Variants in RNF212 observed in about 807,000 individuals in gnomAD.
The protein encoded by RNF212 is ring finger protein 212.
RNF212 carries 33 observed loss-of-function variants against 34.7 expected under a neutral mutation model. The observed-to-expected ratio is 0.95, with a 90% CI of 0.72 to 1.27. The LOEUF is 1.27. Among genes scored for constraint, RNF212 ranks in the 50% most tolerant of loss-of-function variants. The pLI is 0.00. For missense variants in RNF212, 377 were observed against 362.2 expected, an observed-to-expected ratio of 1.04 and a Z score of -0.33; for synonymous variants, 140 against 136.1, an observed-to-expected ratio of 1.03 and a Z score of -0.20.
intron 2 of RNF212, among the ~76,000 whole-genome samples, chr4:1,105,904 G>A (rs542178130): frequency 4.6e-5 from 7 of 152,326 alleles, no homozygotes; most frequent in East Asian, 1.9e-4. Flanking sequence ...GCACTGAGGC[G>A]GACGAAGACC....
At chr4:1,079,511 G>A (rs1719976583) in intron 8 of RNF212, 132 bp downstream of exon 8, 4 of 730,854 alleles carry the variant, frequency 5.5e-6, no homozygotes, top group Admixed American at 5.4e-5. Flanking sequence ...CACGGGACCA[G>A]CACACGAAGC....
rs200680799 is a variant in RNF212 at position 1,085,888 on chromosome 4, C to T, written c.362+8G>A. On this transcript the variant is annotated splice_region_variant and intron_variant, in intron 5 of 9. Transcript: ENST00000433731. ...GACTGCGCACTCACGGGGGGTGGGG[C>T]GCCTTACCTTTGTAGTTGTTCTATC... 87 of 1,607,594 alleles carry T rather than the reference C, an allele frequency of 5.4e-5. No individual in the cohort carries two copies. The African/African-American group carries it at 6.7e-4, about 12-fold the overall frequency.
chr4:1,078,342 C>T (rs1719675976), intron 8 of RNF212, among the ~76,000 whole-genome samples: 1 of 152,308 alleles, frequency 6.6e-6, no homozygotes, highest in South Asian at 2.1e-4. Flanking sequence ...TCACTCTGCC[C>T]TGAGTCCTTC....
intron 3 of RNF212, among the ~76,000 whole-genome samples, chr4:1,064,586 T>G (rs62294714): frequency 0.075 from 616 of 8,256 alleles, 5 homozygotes; most frequent in African/African-American, 0.42. Context: ...ACGGCCTCTT[T>G]TGTGTGTGTG....
chr4:1,112,171 A>G (rs1725781979), intron 1 of RNF212, among the ~76,000 whole-genome samples: 1 of 152,194 alleles, frequency 6.6e-6, no homozygotes, highest in Non-Finnish European at 1.5e-5. Context: ...CCCGCCACCG[A>G]ACTCCAGCCT....
At chr4:1,071,230 G>A (rs1476855428), downstream of RNF212, among the ~76,000 whole-genome samples, 2 of 148,924 alleles carry the variant, frequency 1.3e-5, no homozygotes, top group Non-Finnish European at 3.0e-5. Flanking sequence ...AATTTTTTCT[G>A]TGCTTGAAAT....
chr4:1,112,582 C>A (rs1374384690), intron 1 of RNF212, among the ~76,000 whole-genome samples: 1 of 151,912 alleles, frequency 6.6e-6, no homozygotes, highest in African/African-American at 2.4e-5. Context: ...CCTCCACTGG[C>A]GTTAAGGTTG....
chr4:1,072,111 A>G lies in RNF212; in HGVS notation c.*763T>C, dbSNP rs541479189. The stretch of plus-strand genomic sequence containing the variant: ...AAAAAATGAGCTAGCAAACCATGAG[A>G]AGAGATGGGGGAACCATAAGTGTGT... On this transcript the variant is annotated 3_prime_UTR_variant, in exon 10 of 10. Transcript: ENST00000433731. 6.6e-6 allele frequency: 1 copy of G among 152,298 alleles called. No homozygotes were observed. Among genetic ancestry groups the G allele is most frequent in the South Asian group, 2.1e-4 (1 of 4,828 alleles). 9.4% of individuals were successfully genotyped at this position (152,298 alleles called of 1,614,324 possible). A position where few individuals can be genotyped will look rare whatever the true frequency, so the allele number is the denominator to read the frequency against.
At chr4:1,057,802 C>T (rs774215528) in intron 4 of RNF212, among the ~76,000 whole-genome samples, 1 of 152,200 alleles carries the variant, frequency 6.6e-6, no homozygotes, top group Non-Finnish European at 1.5e-5. Context: ...TGGTGGCTCA[C>T]GCCTGTAATC....
rs377718039 is a variant in RNF212, at chr4:1,085,881, G to A, written c.362+15C>T. The stretch of plus-strand genomic sequence containing the variant: ...GTGCCTCGACTGCGCACTCACGGGG[G>A]GTGGGGCGCCTTACCTTTGTAGTTG... On this transcript the variant is annotated intron_variant, in intron 5 of 9. Transcript: ENST00000433731. 1 of 1,602,110 alleles carries A rather than the reference G, an allele frequency of 6.2e-7. No homozygotes were observed. The highest frequency in any genetic ancestry group is 8.5e-7 in the Non-Finnish European group (1 of 1,169,802).
At chr4:1,091,863 T>C (rs1396627462) in intron 3 of RNF212, among the ~76,000 whole-genome samples, 1 of 152,214 alleles carries the variant, frequency 6.6e-6, no homozygotes, top group African/African-American at 2.4e-5. Context: ...AAGGGGACTA[T>C]GTCTCCACCA....
chr4:1,104,635 T>A (rs1392642632), intron 2 of RNF212, among the ~76,000 whole-genome samples: 1 of 152,282 alleles, frequency 6.6e-6, no homozygotes, highest in Admixed American at 6.5e-5. Context: ...TCTGCCATTC[T>A]GGTCACTGGT....
intron 3 of RNF212, among the ~76,000 whole-genome samples, chr4:1,063,446 C>T (rs953544113): frequency 2.0e-5 from 3 of 152,200 alleles, no homozygotes; most frequent in Admixed American, 2.0e-4. Context: ...TACGGTGGCT[C>T]ATGCCTGTAA....
downstream of RNF212, among the ~76,000 whole-genome samples, chr4:1,069,196 G>A (rs1054261853): frequency 2.4e-5 from 3 of 124,772 alleles, no homozygotes; most frequent in East Asian, 6.4e-4. Context: ...GGGCAACAGA[G>A]CAAGATTGTG....
chr4:1,073,132 C>T lies in RNF212; in HGVS notation c.636G>A (p.Val212=), dbSNP rs746523433. The change falls in exon 10 of 10, where the codon GTG becomes GTA. Residue 212 remains valine, a synonymous_variant. Coordinates refer to ENST00000433731, the MANE Select transcript of RNF212 (RefSeq NM_001131034.4). ...IPWLTLSKPP[V]PGECVISRGS... ...CTCTGGAAATGACACACTCTCCGGGCACAGGGGGCTTAGACAAGGTCAACC... is the reference window on the plus strand; with the variant it reads ...CTCTGGAAATGACACACTCTCCGGGTACAGGGGGCTTAGACAAGGTCAACC... The T allele has an allele frequency of 6.2e-7, 1 of 1,614,174 alleles. No individual in the cohort carries two copies. The highest frequency in any genetic ancestry group is 1.7e-5 in the Admixed American group (1 of 60,022).
chr4:1,061,930 G>A (rs1295031355), intron 3 of RNF212, among the ~76,000 whole-genome samples: 1 of 152,194 alleles, frequency 6.6e-6, no homozygotes, highest in African/African-American at 2.4e-5. Flanking sequence ...ACCACACTCA[G>A]GGAAAAGGGC....
chr4:1,099,981 G>A (rs778578623), intron 2 of RNF212: 4 of 427,080 alleles, frequency 9.4e-6, no homozygotes, highest in Non-Finnish European at 1.9e-5. Flanking sequence ...CTGCCGCTAG[G>A]CAGGAACGGG....
intron 4 of RNF212, among the ~76,000 whole-genome samples, chr4:1,089,518 C>T (rs1006164742): frequency 4.6e-5 from 7 of 152,096 alleles, no homozygotes; most frequent in South Asian, 2.1e-4. Flanking sequence ...TGAGTTTATG[C>T]GGGAATGAGT....
At chr4:1,093,954 C>A in intron 3 of RNF212, 1 of 1,536,200 alleles carries the variant, frequency 6.5e-7, no homozygotes, top group African/African-American at 1.4e-5. Context: ...CTGGGCACCT[C>A]CTTGGAGGAT....
Sources: gnomAD v4.1 joint callset for allele counts (sites outside exome capture counted in the v4.1 genomes callset) on GRCh38, gnomAD v4.1.1 for gene constraint, MANE v1.5 for transcripts, NCBI Gene and HGNC (gene_info 2026-07-23, HGNC 2026-07-21) for gene names.